The following RANBP2 variants were observed in gnomAD, a reference collection of about 807,000 sequenced individuals.
RANBP2 encodes the protein E3 SUMO-protein ligase RanBP2.
Under a neutral mutation model 303.6 loss-of-function variants are expected in RANBP2, and 57 were observed. That is an observed-to-expected ratio of 0.19 (90% CI 0.15 to 0.23). The LOEUF (loss-of-function observed/expected upper bound fraction) is 0.23, where lower values mean the gene tolerates loss of function less well. Among genes scored for constraint, RANBP2 ranks in the 10% least tolerant of loss-of-function variants. The probability of loss-of-function intolerance (pLI) is 1.00; values close to 1 mark genes in which losing one functional copy is unlikely to be tolerated. For missense variants in RANBP2, 3,138 were observed against 3,780.8 expected (o/e 0.83, Z 4.46); for synonymous variants, 1,167 against 1,301.5 (o/e 0.90, Z 2.23).
At chr2:109,210,388 T>C in the RANBP2 span, among the ~76,000 whole-genome samples, 1 of 152,336 alleles carries the variant, frequency 6.6e-6, no homozygotes, top group African/African-American at 2.4e-5. Flanking sequence ...GCCTGGTCTT[T>C]TCCGTGCTCC....
chr2:109,450,647 T>C, the RANBP2 span, among the ~76,000 whole-genome samples: 8,859 of 152,258 alleles, frequency 0.058, 799 homozygotes, highest in African/African-American at 0.19. Context: ...AAATTGTTGA[T>C]GAGATATTTT....
the RANBP2 span, among the ~76,000 whole-genome samples, chr2:109,125,768 G>A: frequency 1.3e-5 from 2 of 152,218 alleles, no homozygotes; most frequent in African/African-American, 2.4e-5. Context: ...TTGGCTTATT[G>A]AACATGTGCA....
the RANBP2 span, among the ~76,000 whole-genome samples, chr2:109,542,598 T>C: frequency 6.6e-6 from 1 of 152,182 alleles, no homozygotes; most frequent in Non-Finnish European, 1.5e-5. Context: ...CTAAGTACCG[T>C]GATGCTGGCC....
At chr2:109,068,101 C>T in the RANBP2 span, among the ~76,000 whole-genome samples, 1 of 152,244 alleles carries the variant, frequency 6.6e-6, no homozygotes, top group Non-Finnish European at 1.5e-5. Flanking sequence ...GCCACCCACA[C>T]CACCCCCTCA....
chr2:109,465,332 G>A, the RANBP2 span, among the ~76,000 whole-genome samples: 3 of 152,190 alleles, frequency 2.0e-5, no homozygotes, highest in Admixed American at 2.0e-4. Flanking sequence ...TACCAAGAAA[G>A]GAGATTTTAG....
the RANBP2 span, among the ~76,000 whole-genome samples, chr2:108,944,673 G>A: frequency 6.6e-6 from 1 of 152,144 alleles, no homozygotes; most frequent in Non-Finnish European, 1.5e-5. Flanking sequence ...GCAAAACAAG[G>A]AGAGGCCCTG....
At chr2:109,737,587 T>C in the RANBP2 span, 14 of 386,752 alleles carry the variant, frequency 3.6e-5, 1 homozygote, top group South Asian at 5.3e-4. Flanking sequence ...TTTGGATGTA[T>C]ATCCAGTGAT....
chr2:109,112,915 C>G, the RANBP2 span, among the ~76,000 whole-genome samples: 1 of 152,080 alleles, frequency 6.6e-6, no homozygotes, highest in African/African-American at 2.4e-5. Context: ...GCTTGTTTTT[C>G]TCAGGTTTGT....
chr2:109,261,294 C>G, the RANBP2 span, among the ~76,000 whole-genome samples: 1 of 152,182 alleles, frequency 6.6e-6, no homozygotes, highest in East Asian at 1.9e-4. Context: ...GTCCCCTCCC[C>G]AGGGCTCCAG....
chr2:109,584,258 C>A, the RANBP2 span, among the ~76,000 whole-genome samples: 1 of 151,964 alleles, frequency 6.6e-6, no homozygotes. Flanking sequence ...GGGTAGATCA[C>A]CTGAGGTCAG....
the RANBP2 span, among the ~76,000 whole-genome samples, chr2:109,657,681 C>T: frequency 4.8e-4 from 72 of 149,614 alleles, no homozygotes; most frequent in Non-Finnish European, 8.7e-4. Context: ...GAAACTGAAC[C>T]GATGGAAAGC....
chr2:109,551,929 G>A, the RANBP2 span, among the ~76,000 whole-genome samples: 1 of 152,302 alleles, frequency 6.6e-6, no homozygotes, highest in South Asian at 2.1e-4. Flanking sequence ...AGGTCATCTA[G>A]ACCAGGGGTC....
chr2:108,724,649 T>A (rs181665988), intron 1 of RANBP2, among the ~76,000 whole-genome samples: 184 of 152,282 alleles, frequency 1.2e-3, no homozygotes, highest in African/African-American at 4.3e-3. Flanking sequence ...ACCCTTTTTT[T>A]AATGACGTTT....
chr2:109,535,164 G>T, the RANBP2 span, among the ~76,000 whole-genome samples: 1 of 152,322 alleles, frequency 6.6e-6, no homozygotes, highest in African/African-American at 2.4e-5. Context: ...GCAAACAATG[G>T]ACGATGCAGA....
chr2:109,353,404 A>C, the RANBP2 span, among the ~76,000 whole-genome samples: 75 of 152,214 alleles, frequency 4.9e-4, no homozygotes, highest in Non-Finnish European at 9.0e-4. Context: ...AGCACCCCAC[A>C]CTGAGACTCC....
At chr2:109,616,268 C>G in the RANBP2 span, 6 of 756,534 alleles carry the variant, frequency 7.9e-6, no homozygotes, top group African/African-American at 9.1e-5. Context: ...ATACCTTGAC[C>G]TGTACCTCTT....
chr2:108,881,555 T>C, the RANBP2 span, among the ~76,000 whole-genome samples: 132,869 of 152,274 alleles, frequency 0.87, 58,354 homozygotes, highest in East Asian at 1. Flanking sequence ...GAGGCCTAGC[T>C]TTCAGCTTTT....
rs936547645 is a variant in RANBP2 at position 108,764,748 on chromosome 2, T to C, written c.4209T>C (p.Asn1403=). 2 of 1,614,054 alleles carry C rather than the reference T, an allele frequency of 1.2e-6. No homozygotes were observed. The highest frequency in any genetic ancestry group is 1.7e-6 in the Non-Finnish European group (2 of 1,179,970). The change falls in exon 20 of 29, where the codon AAT becomes AAC. Residue 1403 remains asparagine (N), a synonymous_variant. Coordinates refer to ENST00000283195, the MANE Select transcript of RANBP2 (RefSeq NM_006267.5). ...TTACTCCTAAAACCAGCCCAGAGAA[T>C]GTTCAAGATCGATTTGCATTGGTGA... The part of the protein sequence containing the change: ...TVFTPKTSPE[N]VQDRFALVTP...
At chr2:109,548,733 G>A in the RANBP2 span, among the ~76,000 whole-genome samples, 9 of 127,888 alleles carry the variant, frequency 7.0e-5, no homozygotes, top group East Asian at 2.5e-4. Flanking sequence ...CCGAGATAGC[G>A]CCATTGCACT....
Sources: gnomAD v4.1 joint callset for allele counts (sites outside exome capture counted in the v4.1 genomes callset) on GRCh38, gnomAD v4.1.1 for gene constraint, MANE v1.5 for transcripts, NCBI Gene and HGNC (gene_info 2026-07-23, HGNC 2026-07-21) for gene names.